The following NTM variants were observed in gnomAD, a reference collection of about 807,000 sequenced individuals.
NTM encodes the protein IgLON family member 2.
NTM carries 13 observed loss-of-function variants against 42.1 expected under a neutral mutation model. The observed-to-expected ratio is 0.31, with a 90% CI of 0.20 to 0.49. The LOEUF is 0.49. Ranked by LOEUF, NTM falls within the 20% of genes least tolerant of loss-of-function variation. NTM has a pLI of 0.99. For missense variants in NTM, 373 were observed against 452.8 expected (o/e 0.82, Z 1.60); for synonymous variants, 187 against 179.2 (o/e 1.04, Z -0.35).
chr11:131,642,182 G>A (rs1255220395), intron 1 of NTM, among the ~76,000 whole-genome samples: 1 of 152,208 alleles, frequency 6.6e-6, no homozygotes, highest in African/African-American at 2.4e-5. Flanking sequence ...TGGATAAACA[G>A]TGCTAAGCAG....
intron 2 of NTM, among the ~76,000 whole-genome samples, chr11:132,109,425 C>T (rs1441501881): frequency 1.3e-5 from 2 of 152,178 alleles, no homozygotes; most frequent in African/African-American, 4.8e-5. Flanking sequence ...GGGGCCCAAC[C>T]AGACCCTGAA....
chr11:131,622,350 T>A (rs917401279), intron 1 of NTM, among the ~76,000 whole-genome samples: 7 of 152,224 alleles, frequency 4.6e-5, no homozygotes, highest in Non-Finnish European at 8.8e-5. Context: ...TAAACAAGCA[T>A]GAAAGTGATG....
At chr11:131,428,059 T>C (rs1948320270) in intron 1 of NTM, among the ~76,000 whole-genome samples, 2 of 152,214 alleles carry the variant, frequency 1.3e-5, no homozygotes, top group African/African-American at 4.8e-5. Flanking sequence ...ATCTCTCCCC[T>C]GGGATCGAGG....
chr11:131,739,577 G>T (rs890434337), intron 1 of NTM, among the ~76,000 whole-genome samples: 1 of 152,194 alleles, frequency 6.6e-6, no homozygotes, highest in Non-Finnish European at 1.5e-5. Flanking sequence ...GTCCTCCGCG[G>T]TTCCTGTGGA....
At chr11:131,764,498 G>C (rs953558016) in intron 1 of NTM, among the ~76,000 whole-genome samples, 14 of 152,198 alleles carry the variant, frequency 9.2e-5, no homozygotes, top group Non-Finnish European at 1.8e-4. Flanking sequence ...TTATGGTGGA[G>C]AGAGCATGGG....
At chr11:131,723,493 G>C (rs899417412) in intron 1 of NTM, among the ~76,000 whole-genome samples, 1 of 152,190 alleles carries the variant, frequency 6.6e-6, no homozygotes, top group African/African-American at 2.4e-5. Context: ...GATGGTAAAA[G>C]GTCACTCCTT....
intron 1 of NTM, among the ~76,000 whole-genome samples, chr11:131,665,182 C>T (rs902520932): frequency 2.6e-5 from 4 of 152,190 alleles, no homozygotes; most frequent in African/African-American, 4.8e-5. Flanking sequence ...ATCCTTCCCA[C>T]GCCTCATCTC....
At chr11:131,491,124 T>G (rs920283740) in intron 1 of NTM, among the ~76,000 whole-genome samples, 2 of 149,498 alleles carry the variant, frequency 1.3e-5, no homozygotes, top group East Asian at 3.9e-4. Flanking sequence ...AAACTCAAAG[T>G]TTTTCAAGAC....
chr11:131,529,717 A>T (rs1233368955), intron 1 of NTM, among the ~76,000 whole-genome samples: 1 of 152,154 alleles, frequency 6.6e-6, no homozygotes, highest in African/African-American at 2.4e-5. Flanking sequence ...CAAAAGAAAG[A>T]CTGAAAAGCC....
At chr11:132,100,509 C>T (rs183931755) in intron 2 of NTM, among the ~76,000 whole-genome samples, 1 of 152,282 alleles carries the variant, frequency 6.6e-6, no homozygotes, top group African/African-American at 2.4e-5. Flanking sequence ...AGTTGAATTA[C>T]CAGCTATAGA....
At chr11:132,330,928 G>A (rs1313906962) in intron 8 of NTM, among the ~76,000 whole-genome samples, 2 of 152,210 alleles carry the variant, frequency 1.3e-5, no homozygotes, top group African/African-American at 4.8e-5. Context: ...CTTTGAGAGG[G>A]CCTTGATCCC....
At chr11:131,664,718 C>T (rs1036251093) in intron 1 of NTM, among the ~76,000 whole-genome samples, 2 of 148,582 alleles carry the variant, frequency 1.3e-5, no homozygotes, top group South Asian at 2.1e-4. Context: ...TATAGAATGC[C>T]GTGAGTCAGA....
chr11:131,853,509 C>T (rs2045797397), intron 1 of NTM, among the ~76,000 whole-genome samples: 1 of 152,162 alleles, frequency 6.6e-6, no homozygotes, highest in Non-Finnish European at 1.5e-5. Flanking sequence ...TTTTATGTTC[C>T]TGCATTAGTT....
At chr11:131,553,796 G>A (rs2055025142) in intron 1 of NTM, among the ~76,000 whole-genome samples, 1 of 152,156 alleles carries the variant, frequency 6.6e-6, no homozygotes, top group Admixed American at 6.5e-5. Context: ...ATAGTTGTAA[G>A]ATCATCATCA....
At chr11:131,444,225 A>G (rs1949855764) in intron 1 of NTM, among the ~76,000 whole-genome samples, 1 of 150,140 alleles carries the variant, frequency 6.7e-6, no homozygotes, top group Non-Finnish European at 1.5e-5. Flanking sequence ...AAAAAAAAAA[A>G]AAATAGAAGC....
intron 1 of NTM, among the ~76,000 whole-genome samples, chr11:131,832,130 C>T (rs982144803): frequency 1.1e-4 from 16 of 150,976 alleles, no homozygotes; most frequent in South Asian, 2.1e-4. Flanking sequence ...CTTCAAAACA[C>T]GCCACACACA....
At chr11:131,876,167 C>A (rs146029759) in intron 1 of NTM, among the ~76,000 whole-genome samples, 59 of 152,318 alleles carry the variant, frequency 3.9e-4, no homozygotes, top group Middle Eastern at 3.4e-3. Flanking sequence ...AGTCAGCACT[C>A]CGCAGAGGCT....
chr11:131,764,945 A>G (rs2084871719), intron 1 of NTM, among the ~76,000 whole-genome samples: 1 of 152,172 alleles, frequency 6.6e-6, no homozygotes, highest in African/African-American at 2.4e-5. Flanking sequence ...CAGCTATCCT[A>G]TAAGGGAGCT....
At chr11:131,873,613 G>GTA (rs773783694) in intron 1 of NTM, among the ~76,000 whole-genome samples, 1 of 34,968 alleles carries the variant, frequency 2.9e-5, no homozygotes, top group Admixed American at 3.1e-4. Context: ...TATATATACC[G>GTA]TATATATATA....
Sources: allele counts gnomAD v4.1 joint callset (sites outside exome capture counted in the v4.1 genomes callset), GRCh38; gene constraint gnomAD v4.1.1; transcripts MANE v1.5; gene names NCBI Gene and HGNC (gene_info 2026-07-23, HGNC 2026-07-21).